The following ITCH variants were observed in gnomAD, a reference collection of about 807,000 sequenced individuals.
ITCH encodes itchy E3 ubiquitin protein ligase.
In ITCH, 28 loss-of-function variants were observed where a neutral mutation model predicts 126.8. The ratio of observed to expected loss-of-function variants is 0.22; its 90% CI spans 0.16 to 0.30. ITCH has a LOEUF of 0.30. Ranked by LOEUF, ITCH falls within the 10% of genes least tolerant of loss-of-function variation. ITCH has a pLI of 1.00. For missense variants in ITCH, 631 were observed against 1,032.4 expected (o/e 0.61, Z 5.33); for synonymous variants, 342 against 340.0 (o/e 1.01, Z -0.06).
chr20:34,389,822 C>G (rs536019240), intron 2 of ITCH, among the ~76,000 whole-genome samples: 1 of 149,730 alleles, frequency 6.7e-6, no homozygotes, highest in Admixed American at 6.6e-5. Context: ...TTTAAAGACT[C>G]TGCTGAAGAA....
rs988027098 is a variant in ITCH at position 34,363,276 on chromosome 20, A to G, written c.-172A>G. On this transcript the variant is annotated 5_prime_UTR_variant, in exon 1 of 25. Transcript: ENST00000374864. The stretch of plus-strand genomic sequence containing the variant: ...GCTTTAGCTGCTAACTCGCTCTAGT[A>G]GCTGTGGTCGGGGCTCGGGACCGGC... 2 of 152,600 alleles carry G rather than the reference A, an allele frequency of 1.3e-5. No individual in the cohort carries two copies. The highest frequency in any genetic ancestry group is 4.8e-5 in the African/African-American group (2 of 41,460). The allele number at this position is 152,600 out of a possible 1,614,324, so 9.5% of individuals were successfully genotyped here.
chr20:34,429,210 G>A (rs2146241870), intron 7 of ITCH, among the ~76,000 whole-genome samples: 1 of 152,242 alleles, frequency 6.6e-6, no homozygotes, highest in Admixed American at 6.5e-5. Context: ...AAAGTGCTGG[G>A]ATTATAGGTG....
chr20:34,466,420 T>G (rs1197310817), intron 14 of ITCH: 1 of 523,908 alleles, frequency 1.9e-6, no homozygotes, highest in Non-Finnish European at 3.9e-6. Context: ...GGTTCCCTAT[T>G]ACTTTCTAAT....
At chr20:34,416,227 C>T (rs1038144403) in intron 6 of ITCH, among the ~76,000 whole-genome samples, 1 of 151,922 alleles carries the variant, frequency 6.6e-6, no homozygotes, top group Admixed American at 6.6e-5. Flanking sequence ...GGAGAAACCT[C>T]GTCTCTACTA....
At chr20:34,460,238 G>A (rs1206485425) in intron 13 of ITCH, among the ~76,000 whole-genome samples, 1 of 152,058 alleles carries the variant, frequency 6.6e-6, no homozygotes, top group Non-Finnish European at 1.5e-5. Flanking sequence ...ACCCAGGCTG[G>A]AGTGAAGTGA....
In ITCH at chr20:34,510,443, A is replaced by ATTT. The variant is rs10598635; in HGVS notation, c.*2674_*2676dup. On this transcript the variant is annotated 3_prime_UTR_variant, in exon 25 of 25. Transcript: ENST00000374864. ...TTGTAAATGCTAATAAATCCTGTTA[A>ATTT]TTTTTTTTTTTTTTTTTTTTTTTTT... is the stretch of plus-strand genomic sequence containing the variant. 115 of 63,232 alleles carry ATTT rather than the reference A, an allele frequency of 1.8e-3. 13 individuals are homozygous for ATTT. Among genetic ancestry groups the ATTT allele is most frequent in the South Asian group, 4.2e-3 (6 of 1,432 alleles). 3.9% of individuals were successfully genotyped at this position (63,232 alleles called of 1,614,324 possible).
At chr20:34,468,532 T>C (rs1433392578) in intron 14 of ITCH, among the ~76,000 whole-genome samples, 2 of 151,834 alleles carry the variant, frequency 1.3e-5, no homozygotes, top group African/African-American at 4.8e-5. Flanking sequence ...GGCTCACGCC[T>C]GTAATCCCAG....
intron 2 of ITCH, among the ~76,000 whole-genome samples, chr20:34,384,905 A>T (rs1278807212): frequency 1.3e-5 from 2 of 151,868 alleles, no homozygotes; most frequent in Non-Finnish European, 2.9e-5. Context: ...CTCGTGATCC[A>T]CCTGCCTCGG....
chr20:34,389,459 A>G (rs17091762), intron 2 of ITCH, among the ~76,000 whole-genome samples: 2,974 of 152,300 alleles, frequency 0.02, 90 homozygotes, highest in African/African-American at 0.059. Flanking sequence ...CAGTAAGAAT[A>G]TGCAGATTTT....
At chr20:34,442,409 T>A in intron 10 of ITCH, 106 bp downstream of exon 10, 2 of 814,332 alleles carry the variant, frequency 2.5e-6, no homozygotes, top group South Asian at 2.9e-5. Context: ...GTCAGCCCTT[T>A]CTCTGTCCAC....
intron 3 of ITCH, among the ~76,000 whole-genome samples, chr20:34,407,431 T>A (rs1328266120): frequency 6.6e-6 from 1 of 152,034 alleles, no homozygotes; most frequent in African/African-American, 2.4e-5. Context: ...CACACCTGGC[T>A]AAGTTTTGAA....
At chr20:34,440,453 CTG>C (rs761358483) in intron 9 of ITCH, 109 bp downstream of exon 9, 1 of 853,288 alleles carries the variant, frequency 1.2e-6, no homozygotes, top group Non-Finnish European at 1.9e-6. Flanking sequence ...GTTTTGATGA[CTG>C]TTTTTTAATT....
rs1018448454 is a variant in ITCH, at chr20:34,507,548, T to G, written c.2490-147T>G. On this transcript the variant is annotated intron_variant, in intron 24 of 24. Coordinates refer to ENST00000374864, the MANE Select transcript of ITCH (RefSeq NM_031483.7). Reference sequence around the variant, plus strand: ...ATTTACAAATATTTTTTCCCATTTTTGGGTTATTTCACTTTCTTGATGGTA... The same window carrying G: ...ATTTACAAATATTTTTTCCCATTTTGGGGTTATTTCACTTTCTTGATGGTA... 4.6e-6 allele frequency: 3 copies of G among 647,040 alleles called. No individual in the cohort carries two copies. The African/African-American group carries it at 5.5e-5, about 12-fold the overall frequency. 40.1% of individuals were successfully genotyped at this position (647,040 alleles called of 1,614,324 possible).
intron 3 of ITCH, among the ~76,000 whole-genome samples, chr20:34,402,939 T>A (rs1418334111): frequency 5.3e-5 from 8 of 152,230 alleles, no homozygotes; most frequent in African/African-American, 1.9e-4. Flanking sequence ...ATTACTGCAT[T>A]TCCCAAATTT....
chr20:34,460,051 T>G (rs1986367315), intron 13 of ITCH, among the ~76,000 whole-genome samples: 1 of 152,246 alleles, frequency 6.6e-6, no homozygotes, highest in Non-Finnish European at 1.5e-5. Context: ...TAGTTCTATC[T>G]AATTTATTTT....
chr20:34,428,822 T>C (rs564338390), intron 7 of ITCH, among the ~76,000 whole-genome samples: 8 of 152,252 alleles, frequency 5.3e-5, no homozygotes, highest in African/African-American at 9.6e-5. Context: ...CCATAACTTA[T>C]GAACTTATTT....
chr20:34,479,899 GT>G, intron 18 of ITCH, 110 bp downstream of exon 18: 1 of 1,042,648 alleles, frequency 9.6e-7, no homozygotes, highest in Non-Finnish European at 1.5e-6. Flanking sequence ...TTTTTGTTTT[GT>G]TTTGTTTTTT....
chr20:34,423,139 A>G (rs982327068), intron 6 of ITCH, among the ~76,000 whole-genome samples: 2 of 152,192 alleles, frequency 1.3e-5, no homozygotes. Flanking sequence ...GGACATTTGT[A>G]TAAATGGAAT....
rs1988645009 is a variant in ITCH, at chr20:34,480,537, A to G, written c.1819-62A>G. The stretch of plus-strand genomic sequence containing the variant: ...TTTTTAAATGAAGAGTACATCTAAT[A>G]TATTGAAATAAAATGATTATTGTAC... On this transcript the variant is annotated intron_variant, in intron 18 of 24. Transcript: ENST00000374864. The G allele has an allele frequency of 2.6e-6, 4 of 1,564,366 alleles. No individual in the cohort carries two copies. In the East Asian group the frequency reaches 9.0e-5, roughly 35 times the overall value.
Sources: allele counts gnomAD v4.1 joint callset (sites outside exome capture counted in the v4.1 genomes callset), GRCh38; gene constraint gnomAD v4.1.1; transcripts MANE v1.5; gene names NCBI Gene and HGNC (gene_info 2026-07-23, HGNC 2026-07-21).